The following MOB3B variants were observed in gnomAD, a reference collection of about 807,000 sequenced individuals.
The protein encoded by MOB3B is MOB kinase activator 3B.
MOB3B carries 7 observed loss-of-function variants against 18.7 expected under a neutral mutation model. That is an observed-to-expected ratio of 0.37 (90% CI 0.21 to 0.70). The LOEUF is 0.70. MOB3B is among the 30% of genes least tolerant of loss of function. MOB3B has a pLI of 0.52. For missense variants in MOB3B, 253 were observed against 281.3 expected, an observed-to-expected ratio of 0.90 and a Z score of 0.72; for synonymous variants, 111 against 99.9, an observed-to-expected ratio of 1.11 and a Z score of -0.66.
At chr9:27,336,552 T>A (rs1354550821) in intron 3 of MOB3B, among the ~76,000 whole-genome samples, 2 of 152,084 alleles carry the variant, frequency 1.3e-5, no homozygotes, top group Non-Finnish European at 2.9e-5. Context: ...AAATGACTGT[T>A]ATATACGTGA....
At chr9:27,365,549 G>A (rs1431854293) in intron 2 of MOB3B, among the ~76,000 whole-genome samples, 2 of 152,056 alleles carry the variant, frequency 1.3e-5, no homozygotes, top group Non-Finnish European at 2.9e-5. Flanking sequence ...ATACCAGACT[G>A]TTAGATATGT....
chr9:27,429,726 G>A lies in MOB3B; in HGVS notation c.418+25407C>T, dbSNP rs919246793. Among the ~76,000 whole-genome samples the A allele has an allele frequency of 7.2e-5, 11 of 152,246 alleles. No individual in the cohort carries two copies. In the South Asian group the frequency reaches 1.0e-3, roughly 14 times the overall value. On this transcript the variant is annotated intron_variant, in intron 2 of 3. Transcript: ENST00000262244. ...GGAGAGCTTGGGCCAGCCCACCAGT[G>A]GTGCTGGTGGAAGATTGCCTAGTTT... is the stretch of plus-strand genomic sequence containing the variant.
chr9:27,514,061 G>A (rs934859138), intron 1 of MOB3B, among the ~76,000 whole-genome samples: 9 of 152,024 alleles, frequency 5.9e-5, no homozygotes, highest in Non-Finnish European at 1.2e-4. Flanking sequence ...ATGTATATAG[G>A]GCAATCCCAG....
At chr9:27,389,492 T>C (rs1821696384) in intron 2 of MOB3B, among the ~76,000 whole-genome samples, 1 of 147,866 alleles carries the variant, frequency 6.8e-6, no homozygotes, top group South Asian at 2.4e-4. Context: ...TTTTCCCATC[T>C]CTCTTGAGAT....
intron 2 of MOB3B, among the ~76,000 whole-genome samples, chr9:27,431,956 T>C (rs1405160317): frequency 6.6e-6 from 1 of 152,150 alleles, no homozygotes; most frequent in East Asian, 1.9e-4. Context: ...TAGCATATGC[T>C]GGAATAAATG....
At chr9:27,341,548 T>C (rs961376910) in intron 3 of MOB3B, among the ~76,000 whole-genome samples, 6 of 152,312 alleles carry the variant, frequency 3.9e-5, no homozygotes, top group African/African-American at 1.4e-4. Flanking sequence ...TAAATAGACA[T>C]GAAACAAAAC....
At chr9:27,486,225 A>T (rs985447253) in intron 1 of MOB3B, among the ~76,000 whole-genome samples, 14 of 152,232 alleles carry the variant, frequency 9.2e-5, no homozygotes, top group Admixed American at 9.2e-4. Flanking sequence ...TCAGGGTGGC[A>T]GTATTAGAAG....
intron 2 of MOB3B, among the ~76,000 whole-genome samples, chr9:27,381,422 C>T (rs1821575906): frequency 6.6e-6 from 1 of 151,974 alleles, no homozygotes; most frequent in Non-Finnish European, 1.5e-5. Flanking sequence ...TCTGTCTCTG[C>T]CAAAAGACTG....
intron 1 of MOB3B, chr9:27,524,840 G>A (rs1162548830): frequency 6.2e-7 from 1 of 1,614,090 alleles, no homozygotes; most frequent in Non-Finnish European, 8.5e-7. Context: ...ATTTCCACAG[G>A]ATAGACAATT....
intron 3 of MOB3B, among the ~76,000 whole-genome samples, chr9:27,342,710 T>C (rs1394521322): frequency 6.6e-6 from 1 of 152,206 alleles, no homozygotes; most frequent in Non-Finnish European, 1.5e-5. Context: ...ACGAGTGATC[T>C]GCCTGCCTCG....
intron 2 of MOB3B, among the ~76,000 whole-genome samples, chr9:27,405,757 C>T (rs184715154): frequency 4.9e-4 from 75 of 152,234 alleles, no homozygotes; most frequent in African/African-American, 1.8e-3. Context: ...TTCAACAAGG[C>T]AAGGATAATT....
chr9:27,391,975 C>A (rs1821734140), intron 2 of MOB3B, among the ~76,000 whole-genome samples: 1 of 152,076 alleles, frequency 6.6e-6, no homozygotes, highest in African/African-American at 2.4e-5. Context: ...GTCTCTATGG[C>A]AAAAATACAG....
intron 1 of MOB3B, among the ~76,000 whole-genome samples, chr9:27,511,446 C>G (rs1398301295): frequency 6.6e-6 from 1 of 152,160 alleles, no homozygotes; most frequent in African/African-American, 2.4e-5. Flanking sequence ...TAACACTGTG[C>G]TCAATGCATG....
At chr9:27,336,779 C>T (rs1170161804) in intron 3 of MOB3B, among the ~76,000 whole-genome samples, 7 of 152,072 alleles carry the variant, frequency 4.6e-5, no homozygotes, top group African/African-American at 1.7e-4. Flanking sequence ...CACGTGTATA[C>T]TCATGCGTAC....
At chr9:27,529,428 C>T in intron 1 of MOB3B, 127 bp downstream of exon 1, 2 of 495,730 alleles carry the variant, frequency 4.0e-6, no homozygotes, top group Non-Finnish European at 5.2e-6. Flanking sequence ...CGGTCCGCCG[C>T]CTCCCGCACC....
chr9:27,373,281 T>C (rs1232758434), intron 2 of MOB3B, among the ~76,000 whole-genome samples: 2 of 152,324 alleles, frequency 1.3e-5, no homozygotes, highest in East Asian at 1.9e-4. Flanking sequence ...GTCTCTGACA[T>C]GTGATATGAT....
intron 2 of MOB3B, among the ~76,000 whole-genome samples, chr9:27,407,127 A>T (rs1018372503): frequency 1.6e-4 from 24 of 152,216 alleles, no homozygotes; most frequent in African/African-American, 5.8e-4. Flanking sequence ...ATGAACTACC[A>T]CGCCCGGCCC....
chr9:27,326,583 A>C lies in MOB3B; in HGVS notation c.*4004T>G, dbSNP rs1061833. On this transcript the variant is annotated 3_prime_UTR_variant, in exon 4 of 4. Transcript: ENST00000262244. ...GCCCGAAGAACTGTGAGAGGAGTAT[A>C]GATTTTTTCACCAAGGAAGTTACTG... The C allele has an allele frequency of 4.4e-3, 1,747 of 398,526 alleles. 30 individuals carry two copies. Among genetic ancestry groups the C allele is most frequent in the African/African-American group, 0.032 (1,576 of 48,736 alleles). 24.7% of individuals were successfully genotyped at this position (398,526 alleles called of 1,614,324 possible).
rs370289720 is a variant in MOB3B at position 27,504,213 on chromosome 9, G to A, written c.-199+25342C>T. On this transcript the variant is annotated intron_variant, in intron 1 of 3. Coordinates refer to ENST00000262244, the MANE Select transcript of MOB3B (RefSeq NM_024761.5). ...CGTTGGTATTCAGCAAACACAAGAG[G>A]ACATGGCTAGGCTGCCTGTCCCCCA... Among the ~76,000 whole-genome samples, 20 of 152,270 alleles carry A rather than the reference G, an allele frequency of 1.3e-4. No homozygotes were observed. In the South Asian group the frequency reaches 4.0e-3, roughly 30 times the overall value.
Sources: allele counts gnomAD v4.1 joint callset (sites outside exome capture counted in the v4.1 genomes callset), GRCh38; gene constraint gnomAD v4.1.1; transcripts MANE v1.5; gene names NCBI Gene and HGNC (gene_info 2026-07-23, HGNC 2026-07-21).